The following RASA3 variants were observed in gnomAD, a reference collection of about 807,000 sequenced individuals.
The protein encoded by RASA3 is RAS p21 protein activator 3.
Under a neutral mutation model 110.0 loss-of-function variants are expected in RASA3, and 73 were observed. The observed-to-expected ratio is 0.66, with a 90% CI of 0.55 to 0.81. The LOEUF is 0.81. Ranked by LOEUF, RASA3 falls within the 30% of genes least tolerant of loss-of-function variation. The pLI is 0.00. For missense variants in RASA3, 976 were observed against 1,113.2 expected, an observed-to-expected ratio of 0.88 and a Z score of 1.75; for synonymous variants, 500 against 451.4, an observed-to-expected ratio of 1.11 and a Z score of -1.37.
At chr13:114,117,187 TGAG>T (rs1566585344) in intron 1 of RASA3, among the ~76,000 whole-genome samples, 2 of 84,312 alleles carry the variant, frequency 2.4e-5, no homozygotes, top group African/African-American at 4.3e-5. Flanking sequence ...TGCATGTGTG[TGAG>T]GAGAGCACGT....
intron 9 of RASA3, among the ~76,000 whole-genome samples, chr13:114,021,162 A>G (rs2053920325): frequency 6.6e-6 from 1 of 152,174 alleles, no homozygotes; most frequent in Non-Finnish European, 1.5e-5. Flanking sequence ...GGTGCCAGCC[A>G]TTGTGAGTCC....
At chr13:114,120,666 G>A (rs2080364962) in intron 1 of RASA3, among the ~76,000 whole-genome samples, 1 of 152,242 alleles carries the variant, frequency 6.6e-6, no homozygotes, top group African/African-American at 2.4e-5. Context: ...ACAAGCCCTG[G>A]TGGAGAACAA....
At chr13:114,000,588 T>A (rs1362365187) in intron 19 of RASA3, among the ~76,000 whole-genome samples, 2 of 152,170 alleles carry the variant, frequency 1.3e-5, no homozygotes, top group Admixed American at 1.3e-4. Flanking sequence ...CAGCTCTGCG[T>A]TTACTGGTTC....
In RASA3 at chr13:114,076,491, G is replaced by C. The variant is rs537711982; in HGVS notation, c.56-2654C>G. Among the ~76,000 whole-genome samples the C allele has an allele frequency of 4.6e-5, 7 of 152,024 alleles. No homozygotes were observed. In the East Asian group the frequency reaches 1.4e-3, roughly 29 times the overall value. Reference sequence around the variant, plus strand: ...TCCCACCGATGTGAAGATCCCACACGCAGCACACGCACACACGCAGCGCAC... The same window carrying C: ...TCCCACCGATGTGAAGATCCCACACCCAGCACACGCACACACGCAGCGCAC... On this transcript the variant is annotated intron_variant, in intron 1 of 23. Transcript: ENST00000334062.
At position 114,065,262 on chromosome 13, in the gene RASA3, G is replaced by A. The variant is rs1330623608; in HGVS notation, c.173+8458C>T. 2.0e-5 allele frequency among the ~76,000 whole-genome samples: 3 copies of A among 152,228 alleles called. No individual in the cohort carries two copies. The East Asian group carries it at 5.8e-4, about 29-fold the overall frequency. ...GCGCTGCCCCATCCCGCCTGCGGCT[G>A]CTCCCATCACGTGATCATAAGAAAA... On this transcript the variant is annotated intron_variant, in intron 2 of 23. Coordinates refer to ENST00000334062, the MANE Select transcript of RASA3 (RefSeq NM_007368.4). The surrounding 1 kb of genome is among the most constrained non-coding windows in gnomAD (Gnocchi z 4.1).
chr13:114,001,001 C>A (rs964167296), intron 18 of RASA3, 69 bp from the exon 19 acceptor site: 20 of 1,005,934 alleles, frequency 2.0e-5, no homozygotes, highest in Non-Finnish European at 2.8e-5. Flanking sequence ...AAAAACCACA[C>A]CCCCCACTTT....
At chr13:114,041,971 G>A (rs773124667) in intron 3 of RASA3, among the ~76,000 whole-genome samples, 4 of 152,200 alleles carry the variant, frequency 2.6e-5, no homozygotes, top group Non-Finnish European at 4.4e-5. Flanking sequence ...GTCTGGGAAC[G>A]TCCACTCTAA....
chr13:114,128,651 G>A (rs1325486880), intron 1 of RASA3, among the ~76,000 whole-genome samples: 1 of 152,248 alleles, frequency 6.6e-6, no homozygotes, highest in Non-Finnish European at 1.5e-5. Flanking sequence ...AGGCCTGCAG[G>A]CACCAGCGGT....
At position 114,013,237 on chromosome 13, in the gene RASA3, C is replaced by T. The variant is rs538770541; in HGVS notation, c.1417G>A (p.Val473Ile). The T allele has an allele frequency of 9.9e-6, 16 of 1,611,856 alleles. No individual in the cohort carries two copies. Among genetic ancestry groups the T allele is most frequent in the South Asian group, 5.5e-5 (5 of 90,550 alleles). The change falls in exon 15 of 24, where the codon GTC becomes ATC. Residue 473 changes from valine (V) to isoleucine (I), a missense_variant. Val to Ile is a conservative substitution (Grantham distance 29, BLOSUM62 3). Coordinates refer to ENST00000334062, the MANE Select transcript of RASA3 (RefSeq NM_007368.4). ...AAKRFQDDPD[V>I]RYTAVSSFIF... ...AAGCTGCTCACTGCAGTGTACCTGA[C>T]GTCCGGGTCATCTGCGGGAGAGAGA...
rs1431003947 is a variant in RASA3, at chr13:114,007,760, GC to G, written c.1669-155del. ...TGAGTCCTTCCCCGAGGGCTGTGGG[GC>G]CTCTGCTCCCCACTGTGCCACCCCA... is the stretch of plus-strand genomic sequence containing the variant. On this transcript the variant is annotated intron_variant, in intron 17 of 23. Coordinates refer to ENST00000334062, the MANE Select transcript of RASA3 (RefSeq NM_007368.4). 4.6e-5 allele frequency among the ~76,000 whole-genome samples: 7 copies of G among 152,220 alleles called. No homozygotes were observed. The East Asian group carries it at 1.2e-3, about 25-fold the overall frequency.
intron 23 of RASA3, among the ~76,000 whole-genome samples, chr13:113,980,065 C>T (rs1400010520): frequency 5.9e-4 from 82 of 138,518 alleles, no homozygotes; most frequent in Non-Finnish European, 1.1e-3. Context: ...GTGTGCACCT[C>T]CTCCCATGTG....
intron 3 of RASA3, among the ~76,000 whole-genome samples, chr13:114,051,811 G>A (rs1379026167): frequency 3.3e-5 from 5 of 152,192 alleles, no homozygotes; most frequent in Non-Finnish European, 7.3e-5. Flanking sequence ...GCCTTGAGGG[G>A]CCATGGAAGC....
chr13:114,093,807 C>A (rs1594446806), intron 1 of RASA3, among the ~76,000 whole-genome samples: 3 of 151,816 alleles, frequency 2.0e-5, no homozygotes, highest in Middle Eastern at 3.4e-3. Context: ...TCACTGATTC[C>A]TCCTTCTATT....
At chr13:114,061,942 G>A (rs1364163662) in intron 2 of RASA3, among the ~76,000 whole-genome samples, 1 of 152,098 alleles carries the variant, frequency 6.6e-6, no homozygotes, top group Non-Finnish European at 1.5e-5. Flanking sequence ...CGGGGAGGAC[G>A]GCAAGGTCAA....
chr13:114,094,991 T>C (rs1168951837), intron 1 of RASA3, among the ~76,000 whole-genome samples: 3 of 152,222 alleles, frequency 2.0e-5, no homozygotes, highest in Non-Finnish European at 4.4e-5. Flanking sequence ...AGTATGTACT[T>C]CATCTGCTGC....
Position 114,000,869 on chromosome 13 carries a change from C to A in RASA3, c.1806G>T (p.Trp602Cys), listed in dbSNP as rs772178234. 2 of 1,613,958 alleles carry A rather than the reference C, an allele frequency of 1.2e-6. No individual in the cohort carries two copies. The highest frequency in any genetic ancestry group is 1.7e-6 in the Non-Finnish European group (2 of 1,179,890). Residue 602 changes from tryptophan to cysteine, a missense_variant, in exon 19 of 24, where the codon TGG becomes TGT. Transcript: ENST00000334062. ...TAAATTCATGGTTGGTCAAGCGAAA[C>A]CATCTCTTCTTAAAATTCTTCATCC... ...RFGMKNFKKR[W>C]FRLTNHEFTY... is the part of the protein sequence containing the mutation.
chr13:114,018,249 C>A lies in RASA3; in HGVS notation c.946G>T (p.Val316Leu), dbSNP rs776857082. The part of the protein sequence containing the change: ...LLLKSADVEP[V>L]SASAAHILGE... ...AGGATGTGGGCCGCAGACGCTGACACGGGCTGCGGGGAGGGGTGAGGTCAG... is the reference window on the plus strand; with the variant it reads ...AGGATGTGGGCCGCAGACGCTGACAAGGGCTGCGGGGAGGGGTGAGGTCAG... The change falls in exon 11 of 24, where the codon GTG (valine) becomes TTG (leucine). Residue 316 changes from valine (V) to leucine (L), a missense_variant. Transcript: ENST00000334062. The A allele has an allele frequency of 1.4e-5, 22 of 1,550,962 alleles. No individual in the cohort carries two copies. The highest frequency in any genetic ancestry group is 1.9e-5 in the Non-Finnish European group (22 of 1,147,772).
intron 2 of RASA3, among the ~76,000 whole-genome samples, chr13:114,058,925 C>T (rs1036651078): frequency 2.0e-5 from 3 of 152,240 alleles, no homozygotes; most frequent in African/African-American, 7.2e-5. Context: ...AGGCCAGATG[C>T]AGTGGCTCAC....
At chr13:114,032,909 T>C (rs1445005756) in intron 4 of RASA3, among the ~76,000 whole-genome samples, 1 of 63,336 alleles carries the variant, frequency 1.6e-5, no homozygotes, top group South Asian at 7.3e-4. Context: ...CTTGATACCA[T>C]GCCCCACAGC....
Sources: allele counts gnomAD v4.1 joint callset (sites outside exome capture counted in the v4.1 genomes callset), GRCh38; gene constraint gnomAD v4.1.1; non-coding constraint Gnocchi (gnomAD v3.1); transcripts MANE v1.5; gene names NCBI Gene and HGNC (gene_info 2026-07-23, HGNC 2026-07-21).